PTPRR: variants seen among roughly 807,000 people sequenced by gnomAD.
The protein encoded by PTPRR is receptor-type tyrosine-protein phosphatase R.
In PTPRR, 38 loss-of-function variants were observed where a neutral mutation model predicts 77.2. That is an observed-to-expected ratio of 0.49 (90% CI 0.38 to 0.65). The LOEUF (loss-of-function observed/expected upper bound fraction) is 0.65, where lower values mean the gene tolerates loss of function less well. PTPRR is among the 30% of genes least tolerant of loss of function. PTPRR has a pLI of 0.00. For synonymous variants in PTPRR, 299 were observed against 283.1 expected (o/e 1.06, Z -0.57); for missense variants, 744 against 799.2 (o/e 0.93, Z 0.83).
chr12:70,717,504 G>T (rs1889075916), intron 6 of PTPRR, among the ~76,000 whole-genome samples: 1 of 152,136 alleles, frequency 6.6e-6, no homozygotes, highest in Non-Finnish European at 1.5e-5. Flanking sequence ...AAGGGATAGG[G>T]TCACCAAATT....
At chr12:70,905,191 G>A (rs1172604640) in intron 1 of PTPRR, among the ~76,000 whole-genome samples, 2 of 151,774 alleles carry the variant, frequency 1.3e-5, no homozygotes, top group African/African-American at 4.8e-5. Context: ...ATGTTAATGG[G>A]TTTGGTGTTG....
chr12:70,863,972 G>A (rs899836120), intron 2 of PTPRR, among the ~76,000 whole-genome samples: 1 of 152,152 alleles, frequency 6.6e-6, no homozygotes, highest in Non-Finnish European at 1.5e-5. Flanking sequence ...TTCCAGGCAA[G>A]TGTTTTAATT....
intron 8 of PTPRR, among the ~76,000 whole-genome samples, chr12:70,694,617 A>G (rs951283791): frequency 1.3e-5 from 2 of 151,716 alleles, no homozygotes; most frequent in South Asian, 2.1e-4. Context: ...ACACATAGAC[A>G]TAAAGATGAA....
At chr12:70,723,404 G>A (rs939353968) in intron 6 of PTPRR, among the ~76,000 whole-genome samples, 5 of 151,416 alleles carry the variant, frequency 3.3e-5, no homozygotes, top group Admixed American at 2.0e-4. Flanking sequence ...TGCCACTTCT[G>A]GCAATCTGAA....
chr12:70,846,622 C>T (rs907661329), intron 2 of PTPRR, among the ~76,000 whole-genome samples: 3 of 152,002 alleles, frequency 2.0e-5, no homozygotes, highest in African/African-American at 7.2e-5. Context: ...ATGAATGGGA[C>T]TAGTCCCCTT....
chr12:70,829,556 G>A (rs1287837683), intron 2 of PTPRR, among the ~76,000 whole-genome samples: 2 of 152,182 alleles, frequency 1.3e-5, no homozygotes, highest in Non-Finnish European at 2.9e-5. Context: ...AGACAATGCA[G>A]TTAAAAGACT....
chr12:70,904,349 T>A (rs1893587118), intron 1 of PTPRR, among the ~76,000 whole-genome samples: 1 of 151,818 alleles, frequency 6.6e-6, no homozygotes, highest in African/African-American at 2.4e-5. Flanking sequence ...CTATGATACA[T>A]CTAAACAATG....
At chr12:70,639,354 G>T in intron 13 of PTPRR, 77 bp from the exon 14 acceptor site, 2 of 1,522,786 alleles carry the variant, frequency 1.3e-6, no homozygotes, top group Non-Finnish European at 9.0e-7. Context: ...TTTCATCCAA[G>T]CTAGGGTATT....
chr12:70,846,848 A>G (rs759044137), intron 2 of PTPRR, among the ~76,000 whole-genome samples: 31 of 152,122 alleles, frequency 2.0e-4, no homozygotes, highest in Non-Finnish European at 3.1e-4. Flanking sequence ...TAGCAGCCTG[A>G]GTGGACTCAG....
At position 70,692,063 on chromosome 12, in the gene PTPRR, G is replaced by A. The variant is rs148696344; in HGVS notation, c.1279+6202C>T. Among the ~76,000 whole-genome samples, 1,457 of 152,178 alleles carry A rather than the reference G, an allele frequency of 9.6e-3. 15 individuals are homozygous for A. The highest frequency in any genetic ancestry group is 0.016 in the South Asian group (76 of 4,824). On this transcript the variant is annotated intron_variant, in intron 8 of 13. Coordinates refer to ENST00000283228, the MANE Select transcript of PTPRR (RefSeq NM_002849.4). ...AATTAAGTCATCTTTTACAAAAAGA[G>A]GTTAGTACCCAAATAAATATGGGAA...
At chr12:70,697,107 T>G (rs931838139) in intron 8 of PTPRR, among the ~76,000 whole-genome samples, 2 of 152,170 alleles carry the variant, frequency 1.3e-5, no homozygotes, top group African/African-American at 4.8e-5. Context: ...AGAAGTAGAG[T>G]GTCCAGGTCA....
chr12:70,760,313 C>T (rs566793568), intron 4 of PTPRR, among the ~76,000 whole-genome samples: 23 of 152,290 alleles, frequency 1.5e-4, no homozygotes, highest in African/African-American at 4.3e-4. Flanking sequence ...ACACATTTTA[C>T]GTGTGGCTTT....
At chr12:70,792,304 G>A (rs531592692) in intron 2 of PTPRR, among the ~76,000 whole-genome samples, 8 of 152,258 alleles carry the variant, frequency 5.3e-5, no homozygotes, top group African/African-American at 1.9e-4. Flanking sequence ...GATTTTCAGC[G>A]ATGAAATTCA....
chr12:70,800,010 T>C (rs1891585143), intron 2 of PTPRR, among the ~76,000 whole-genome samples: 1 of 152,182 alleles, frequency 6.6e-6, no homozygotes, highest in African/African-American at 2.4e-5. Context: ...GTCTCTTTGA[T>C]GTTCAGTCTA....
At chr12:70,728,270 A>ATTT (rs1889519682) in intron 6 of PTPRR, among the ~76,000 whole-genome samples, 1 of 139,028 alleles carries the variant, frequency 7.2e-6, no homozygotes, top group Non-Finnish European at 1.5e-5. Flanking sequence ...TTGAGGCATC[A>ATTT]GAGAAGGGCC....
intron 6 of PTPRR, among the ~76,000 whole-genome samples, chr12:70,734,064 T>C (rs1166728639): frequency 2.6e-5 from 4 of 152,236 alleles, no homozygotes; most frequent in Non-Finnish European, 4.4e-5. Flanking sequence ...GATTCAGAAC[T>C]GGTCGCTCTT....
intron 6 of PTPRR, among the ~76,000 whole-genome samples, chr12:70,728,928 A>G (rs1480434865): frequency 6.6e-6 from 1 of 152,032 alleles, no homozygotes; most frequent in African/African-American, 2.4e-5. Flanking sequence ...AATGAAACTG[A>G]TTTTAGAAAA....
At chr12:70,829,413 C>G (rs1290833169) in intron 2 of PTPRR, among the ~76,000 whole-genome samples, 1 of 152,084 alleles carries the variant, frequency 6.6e-6, no homozygotes, top group African/African-American at 2.4e-5. Flanking sequence ...GAAAGATGCT[C>G]AGGCTATTGC....
chr12:70,817,956 G>A (rs1056593754), intron 2 of PTPRR, among the ~76,000 whole-genome samples: 1 of 152,214 alleles, frequency 6.6e-6, no homozygotes, highest in Non-Finnish European at 1.5e-5. Flanking sequence ...GCTCACGCCT[G>A]TAATCCCAGC....
Sources: gnomAD v4.1 joint callset for allele counts (sites outside exome capture counted in the v4.1 genomes callset) on GRCh38, gnomAD v4.1.1 for gene constraint, MANE v1.5 for transcripts, NCBI Gene and HGNC (gene_info 2026-07-23, HGNC 2026-07-21) for gene names.